The following NXPE2 variants were observed in gnomAD, a reference collection of about 807,000 sequenced individuals.
The protein encoded by NXPE2 is NXPE family member 2.
NXPE2 carries 34 observed loss-of-function variants against 34.4 expected under a neutral mutation model. The ratio of observed to expected loss-of-function variants is 0.99; its 90% CI spans 0.75 to 1.31. NXPE2 has a LOEUF of 1.31. NXPE2 is among the 40% of genes most tolerant of loss of function. The pLI is 0.00. For missense variants in NXPE2, 649 were observed against 672.5 expected (o/e 0.97, Z 0.39); for synonymous variants, 235 against 231.3 (o/e 1.02, Z -0.15).
chr11:114,540,837 CTTTTTTTTTTTTTTTTTTTTTTTTTTTTT>C, the NXPE2 span, among the ~76,000 whole-genome samples: 16 of 47,472 alleles, frequency 3.4e-4, no homozygotes, highest in East Asian at 8.9e-4. Flanking sequence ...AGAAAGCCAT[CTTTTTTTTTTTTTTTTTTTTTTTTTTTTT>C]TTTTTTTTTT....
the NXPE2 span, among the ~76,000 whole-genome samples, chr11:114,747,156 A>G: frequency 2.0e-5 from 3 of 152,182 alleles, no homozygotes; most frequent in Admixed American, 6.5e-5. Flanking sequence ...GATAGATTAT[A>G]CTACTGTAAT....
the NXPE2 span, among the ~76,000 whole-genome samples, chr11:114,496,292 G>A: frequency 6.6e-6 from 1 of 152,114 alleles, no homozygotes; most frequent in East Asian, 1.9e-4. Flanking sequence ...TCCAGGGCAG[G>A]ACTTAGTTTC....
At chr11:114,494,671 C>G in the NXPE2 span, among the ~76,000 whole-genome samples, 2 of 152,246 alleles carry the variant, frequency 1.3e-5, no homozygotes, top group Admixed American at 1.3e-4. Flanking sequence ...TCTGAAAGGT[C>G]GCGTATCTCT....
the NXPE2 span, among the ~76,000 whole-genome samples, chr11:114,616,699 A>G: frequency 6.6e-6 from 1 of 151,730 alleles, no homozygotes; most frequent in African/African-American, 2.4e-5. Flanking sequence ...CTCGTCTGAA[A>G]CCACTGTTAC....
At chr11:114,509,249 A>C in the NXPE2 span, among the ~76,000 whole-genome samples, 5 of 152,138 alleles carry the variant, frequency 3.3e-5, no homozygotes, top group African/African-American at 1.2e-4. Context: ...AGTCAAAACA[A>C]ACAAACAAAT....
At chr11:114,576,988 T>TAC in the NXPE2 span, among the ~76,000 whole-genome samples, 11 of 114,692 alleles carry the variant, frequency 9.6e-5, no homozygotes, top group African/African-American at 4.1e-4. Flanking sequence ...TATATATATA[T>TAC]ATACATATAT....
At chr11:114,720,448 T>C in the NXPE2 span, among the ~76,000 whole-genome samples, 3 of 152,228 alleles carry the variant, frequency 2.0e-5, no homozygotes, top group Admixed American at 1.3e-4. Context: ...CTGCTTTTCA[T>C]ATGTGTCGGG....
chr11:114,678,693 G>A (rs1950889080), intron 1 of NXPE2, 92 bp downstream of exon 1: 3 of 953,228 alleles, frequency 3.1e-6, no homozygotes, highest in African/African-American at 1.6e-5. Flanking sequence ...ATGGTGTGAT[G>A]CAACCCTTTA....
the NXPE2 span, among the ~76,000 whole-genome samples, chr11:114,788,787 T>C: frequency 6.6e-6 from 1 of 152,194 alleles, no homozygotes. Flanking sequence ...TGTGTTTCCA[T>C]AGTACATTGT....
chr11:114,491,034 C>T, the NXPE2 span, among the ~76,000 whole-genome samples: 76 of 149,586 alleles, frequency 5.1e-4, no homozygotes, highest in African/African-American at 1.1e-3. Context: ...CGGTGGCGGG[C>T]GCCTGTAGTC....
chr11:114,641,217 A>G, the NXPE2 span, among the ~76,000 whole-genome samples: 1 of 152,024 alleles, frequency 6.6e-6, no homozygotes, highest in Non-Finnish European at 1.5e-5. Context: ...GAGTTGAGAA[A>G]ACATGAAAGA....
chr11:114,797,772 A>C, the NXPE2 span, among the ~76,000 whole-genome samples: 1 of 152,160 alleles, frequency 6.6e-6, no homozygotes, highest in South Asian at 2.1e-4. Context: ...GTGTCCGTGA[A>C]CTTTGGGACG....
the NXPE2 span, among the ~76,000 whole-genome samples, chr11:114,598,243 G>A: frequency 0.49 from 62,158 of 127,796 alleles, 13,489 homozygotes; most frequent in African/African-American, 0.59. Flanking sequence ...GCACACTAAC[G>A]CAAGGGGTGG....
chr11:114,519,138 C>T, the NXPE2 span, among the ~76,000 whole-genome samples: 2 of 152,114 alleles, frequency 1.3e-5, no homozygotes, highest in African/African-American at 4.8e-5. Context: ...TTTTATGAGC[C>T]TTTTATATGA....
chr11:114,554,023 TG>T, the NXPE2 span: 2 of 985,476 alleles, frequency 2.0e-6, no homozygotes, highest in Non-Finnish European at 2.4e-6. Flanking sequence ...TTCTTCCAAA[TG>T]TCTTCTACTT....
chr11:114,606,673 C>T, the NXPE2 span, among the ~76,000 whole-genome samples: 77 of 151,964 alleles, frequency 5.1e-4, 1 homozygote, highest in South Asian at 0.011. Flanking sequence ...GTAAGTATTG[C>T]ATCATGGGTC....
chr11:114,660,450 T>C, the NXPE2 span, among the ~76,000 whole-genome samples: 4 of 152,036 alleles, frequency 2.6e-5, no homozygotes, highest in African/African-American at 9.7e-5. Context: ...AAAAGCCTTG[T>C]TCATCATTTG....
the NXPE2 span, among the ~76,000 whole-genome samples, chr11:114,718,807 G>A: frequency 1.3e-5 from 2 of 152,156 alleles, no homozygotes; most frequent in African/African-American, 4.8e-5. Flanking sequence ...CATCATTGGA[G>A]GTAGCTAGTG....
chr11:114,586,945 G>A, the NXPE2 span, among the ~76,000 whole-genome samples: 1 of 152,102 alleles, frequency 6.6e-6, no homozygotes, highest in Non-Finnish European at 1.5e-5. Flanking sequence ...TAGGCACAGA[G>A]GTCCTCCTTC....
Sources: gnomAD v4.1 joint callset for allele counts (sites outside exome capture counted in the v4.1 genomes callset) on GRCh38, gnomAD v4.1.1 for gene constraint, MANE v1.5 for transcripts, NCBI Gene and HGNC (gene_info 2026-07-23, HGNC 2026-07-21) for gene names.